Variants in CAPN13 observed in about 807,000 individuals in gnomAD.
CAPN13 encodes the protein calpain-13.
CAPN13 carries 90 observed loss-of-function variants against 98.4 expected under a neutral mutation model. The ratio of observed to expected loss-of-function variants is 0.92; its 90% CI spans 0.77 to 1.09. The LOEUF (loss-of-function observed/expected upper bound fraction) is 1.09, where lower values mean the gene tolerates loss of function less well. Ranked by LOEUF, CAPN13 falls within the 50% of genes least tolerant of loss-of-function variation. The pLI is 0.00. For synonymous variants in CAPN13, 330 were observed against 305.5 expected, an observed-to-expected ratio of 1.08 and a Z score of -0.84; for missense variants, 887 against 841.3, an observed-to-expected ratio of 1.05 and a Z score of -0.67.
At chr2:30,734,087 C>T (rs1671233187) in intron 19 of CAPN13, among the ~76,000 whole-genome samples, 1 of 152,196 alleles carries the variant, frequency 6.6e-6, no homozygotes. Context: ...CATCAGCTAG[C>T]CTGTGGGTAT....
intron 10 of CAPN13, 72 bp from the exon 11 acceptor site, chr2:30,751,323 CAG>C (rs1448119463): frequency 2.8e-5 from 43 of 1,541,358 alleles, no homozygotes; most frequent in African/African-American, 4.1e-5. Flanking sequence ...ATGTCCAGTG[CAG>C]AGAGTTCTGT....
intron 1 of CAPN13, among the ~76,000 whole-genome samples, chr2:30,789,068 A>G (rs369213960): frequency 1.9e-4 from 29 of 152,362 alleles, no homozygotes; most frequent in African/African-American, 7.0e-4. Flanking sequence ...GAGTTCTTAT[A>G]GAATAATGGC....
At chr2:30,741,054 G>A (rs188890451) in intron 15 of CAPN13, among the ~76,000 whole-genome samples, 26 of 152,234 alleles carry the variant, frequency 1.7e-4, no homozygotes, top group Admixed American at 2.6e-4. Context: ...CATCTTGGCC[G>A]GCCTTGTCAT....
chr2:30,736,432 G>C, intron 18 of CAPN13, 71 bp downstream of exon 18: 1 of 1,460,158 alleles, frequency 6.8e-7, no homozygotes. Flanking sequence ...CCTGGTGCAG[G>C]GTTAGACACC....
chr2:30,733,202 C>G (rs567542849), intron 19 of CAPN13, among the ~76,000 whole-genome samples: 256 of 152,250 alleles, frequency 1.7e-3, no homozygotes, highest in African/African-American at 5.8e-3. Context: ...CAAGCAGAAC[C>G]CTGCAAGCCA....
At position 30,770,416 on chromosome 2, in the gene CAPN13, T is replaced by C; in HGVS notation, c.421A>G (p.Ile141Val). 6.2e-7 allele frequency: 1 copy of C among 1,613,982 alleles called. No individual in the cohort carries two copies. Among genetic ancestry groups the C allele is most frequent in the East Asian group, 2.2e-5 (1 of 44,870 alleles). Residue 141 changes from isoleucine (I) to valine (V), a missense_variant, in exon 5 of 23, where the codon ATT (isoleucine) becomes GTT (valine). Coordinates refer to ENST00000295055, the MANE Select transcript of CAPN13 (RefSeq NM_144575.3). Reference protein sequence around the residue: ...WQCGQWVEVVIDDRLPVQGDK... With the variant: ...WQCGQWVEVVVDDRLPVQGDK... ...CCCTGGACAGGTAGGCGGTCATCAA[T>C]CACCACTTCCACCCACTGGCCACAT...
rs536472297 is a variant in CAPN13, at chr2:30,738,188, G to A, written c.1653+47C>T. 183 of 1,608,492 alleles carry A rather than the reference G, an allele frequency of 1.1e-4. 3 individuals carry two copies. In the South Asian group the frequency reaches 2.0e-3, roughly 17 times the overall value. ...AATTAGGTCTCTGGGGAAGCCCACA[G>A]AGCTGAGGGGTGCTCAGAGCATGGG... On this transcript the variant is annotated intron_variant, in intron 17 of 22. Coordinates refer to ENST00000295055, the MANE Select transcript of CAPN13 (RefSeq NM_144575.3).
chr2:30,722,830 T>A lies in CAPN13; in HGVS notation c.*437A>T, dbSNP rs1433891097. ...CTGTGAAATCATCAGGATCCAGACA[T>A]AAGATAGTGTAATTATTCTGCAAAC... On this transcript the variant is annotated 3_prime_UTR_variant, in exon 23 of 23. Transcript: ENST00000295055. 1 of 152,200 alleles carries A rather than the reference T, an allele frequency of 6.6e-6. No homozygotes were observed. The highest frequency in any genetic ancestry group is 1.9e-4 in the East Asian group (1 of 5,200). 9.4% of individuals were successfully genotyped at this position (152,200 alleles called of 1,614,324 possible).
chr2:30,766,753 A>G (rs1673131893), intron 5 of CAPN13, among the ~76,000 whole-genome samples: 1 of 152,216 alleles, frequency 6.6e-6, no homozygotes, highest in Non-Finnish European at 1.5e-5. Flanking sequence ...TAGAGATCCC[A>G]TAAAGGATGG....
intron 19 of CAPN13, among the ~76,000 whole-genome samples, chr2:30,733,334 T>TCTCCTGCTTGCCAC (rs58789902): frequency 0.83 from 126,005 of 151,810 alleles, 52,783 homozygotes; most frequent in African/African-American, 0.93. Context: ...AGCCAGGTCC[T>TCTCCTGCTTGCCAC]GTTCTCAGTC....
chr2:30,795,297 T>G (rs1010802475), intron 1 of CAPN13, among the ~76,000 whole-genome samples: 31 of 152,202 alleles, frequency 2.0e-4, no homozygotes, highest in African/African-American at 7.5e-4. Context: ...GTAGAATTTT[T>G]GGGTTTAGGA....
At chr2:30,758,786 CTTT>C (rs1672603753) in intron 7 of CAPN13, among the ~76,000 whole-genome samples, 2 of 111,382 alleles carry the variant, frequency 1.8e-5, no homozygotes, top group African/African-American at 6.6e-5. Flanking sequence ...CCCTCCCTCC[CTTT>C]CCTTTCCTTC....
intron 4 of CAPN13, 53 bp downstream of exon 4, chr2:30,775,877 C>G: frequency 7.4e-7 from 1 of 1,353,896 alleles, no homozygotes; most frequent in Non-Finnish European, 1.0e-6. Context: ...TTCACCTTCC[C>G]TGTACTCACA....
At chr2:30,734,806 G>C (rs1439167624) in intron 18 of CAPN13, among the ~76,000 whole-genome samples, 1 of 152,130 alleles carries the variant, frequency 6.6e-6, no homozygotes, top group Non-Finnish European at 1.5e-5. Context: ...GGAGTGTAGG[G>C]CTCTCCAAAG....
intron 7 of CAPN13, among the ~76,000 whole-genome samples, chr2:30,758,638 A>T (rs557586038): frequency 1.5e-4 from 23 of 152,286 alleles, no homozygotes; most frequent in African/African-American, 5.3e-4. Flanking sequence ...AGCAAGACTG[A>T]GATGGCCTGT....
intron 22 of CAPN13, among the ~76,000 whole-genome samples, chr2:30,723,537 G>T (rs984281147): frequency 1.3e-5 from 2 of 152,156 alleles, no homozygotes; most frequent in Admixed American, 1.3e-4. Flanking sequence ...GCTGGCACTG[G>T]AGTGGAGGGA....
chr2:30,797,429 G>C (rs968958812), intron 1 of CAPN13, among the ~76,000 whole-genome samples: 3 of 152,168 alleles, frequency 2.0e-5, no homozygotes, highest in African/African-American at 7.2e-5. Flanking sequence ...GTCTCTTACT[G>C]ACTGAATGAT....
At chr2:30,741,499 G>A in intron 15 of CAPN13, 1 of 1,032,424 alleles carries the variant, frequency 9.7e-7, no homozygotes, top group Non-Finnish European at 1.2e-6. Context: ...TGGTTTGGCA[G>A]CAAGGATGCT....
chr2:30,801,604 TAAAAA>T (rs10609363), intron 1 of CAPN13, among the ~76,000 whole-genome samples: 21 of 79,978 alleles, frequency 2.6e-4, no homozygotes, highest in African/African-American at 8.7e-4. Flanking sequence ...GACTCAGTCT[TAAAAA>T]AAAAAAAAAA....
Sources: gnomAD v4.1 joint callset for allele counts (sites outside exome capture counted in the v4.1 genomes callset) on GRCh38, gnomAD v4.1.1 for gene constraint, MANE v1.5 for transcripts, NCBI Gene and HGNC (gene_info 2026-07-23, HGNC 2026-07-21) for gene names.